Variants in ATP8A2 observed in about 807,000 individuals in gnomAD.
ATP8A2 encodes phospholipid-transporting ATPase IB.
A neutral mutation model predicts 165.6 loss-of-function variants in ATP8A2; 100 were observed. That is an observed-to-expected ratio of 0.60 (90% CI 0.51 to 0.71). ATP8A2 has a LOEUF of 0.71. Ranked by LOEUF, ATP8A2 falls within the 30% of genes least tolerant of loss-of-function variation. The pLI, the probability that ATP8A2 is intolerant of heterozygous loss-of-function variation, is 0.00. For missense variants in ATP8A2, 1,227 were observed against 1,479.5 expected (o/e 0.83, Z 2.80); for synonymous variants, 543 against 548.8 (o/e 0.99, Z 0.15).
At chr13:25,592,711 G>T (rs1053016257) in intron 24 of ATP8A2, among the ~76,000 whole-genome samples, 1 of 152,096 alleles carries the variant, frequency 6.6e-6, no homozygotes, top group African/African-American at 2.4e-5. Flanking sequence ...ATGAGCCTCT[G>T]TTTTCCCCTT....
At chr13:25,562,058 T>G (rs1280982114) in intron 15 of ATP8A2, among the ~76,000 whole-genome samples, 2 of 152,238 alleles carry the variant, frequency 1.3e-5, no homozygotes, top group Non-Finnish European at 2.9e-5. Flanking sequence ...TTTTGGCTAC[T>G]GTGAATAACG....
intron 1 of ATP8A2, among the ~76,000 whole-genome samples, chr13:25,425,558 C>T (rs1416514671): frequency 8.7e-6 from 1 of 115,266 alleles, no homozygotes. Flanking sequence ...AGTATGCAGC[C>T]TTTTCAGATT....
chr13:25,372,346 C>T lies in ATP8A2; in HGVS notation c.76+58C>T, dbSNP rs2032436662. On this transcript the variant is annotated intron_variant, in intron 1 of 36. Transcript: ENST00000381655. The surrounding 1 kb of genome is among the most constrained non-coding windows in gnomAD (Gnocchi z 4.8). ...GGCCCGGGGCGGGGGCGGCGCGGGG[C>T]GCGCCTGCGGTTATGCGACACTGCC... 3 of 1,307,164 alleles carry T rather than the reference C, an allele frequency of 2.3e-6. No homozygotes were observed. Among genetic ancestry groups the T allele is most frequent in the Admixed American group, 3.1e-5 (1 of 31,914 alleles). 81.0% of individuals were successfully genotyped at this position (1,307,164 alleles called of 1,614,324 possible). A position where few individuals can be genotyped will look rare whatever the true frequency, so the allele number is the denominator to read the frequency against.
At chr13:25,665,990 T>C (rs2042145616) in intron 24 of ATP8A2, among the ~76,000 whole-genome samples, 1 of 151,130 alleles carries the variant, frequency 6.6e-6, no homozygotes, top group Non-Finnish European at 1.5e-5. Flanking sequence ...GCTGTTTCTC[T>C]TTTTTAGTTT....
chr13:25,645,855 T>C (rs1226451683), intron 24 of ATP8A2, among the ~76,000 whole-genome samples: 1 of 152,208 alleles, frequency 6.6e-6, no homozygotes, highest in African/African-American at 2.4e-5. Flanking sequence ...TCTTGGTGAA[T>C]GCTTCATATG....
intron 1 of ATP8A2, among the ~76,000 whole-genome samples, chr13:25,382,991 G>A (rs7992756): frequency 0.55 from 81,922 of 149,528 alleles, 24,804 homozygotes; most frequent in East Asian, 0.69. Flanking sequence ...TCCTGACTTC[G>A]TGATCTGCCC....
intron 2 of ATP8A2, among the ~76,000 whole-genome samples, chr13:25,474,962 G>A (rs757923963): frequency 3.3e-5 from 5 of 152,054 alleles, no homozygotes; most frequent in African/African-American, 7.2e-5. Flanking sequence ...TAGGATTACA[G>A]GCATGTGCCA....
At chr13:25,465,540 T>C (rs2035611159) in intron 1 of ATP8A2, among the ~76,000 whole-genome samples, 1 of 144,824 alleles carries the variant, frequency 6.9e-6, no homozygotes, top group Admixed American at 7.2e-5. Flanking sequence ...AAGTTATTGT[T>C]CCTGTTATTT....
chr13:25,802,014 G>A (rs1474320954), intron 27 of ATP8A2, among the ~76,000 whole-genome samples: 7 of 152,076 alleles, frequency 4.6e-5, no homozygotes, highest in Non-Finnish European at 8.8e-5. Flanking sequence ...ACCTCCCACC[G>A]GGTCCCTCCC....
chr13:25,463,927 C>G (rs1291232131), intron 1 of ATP8A2, among the ~76,000 whole-genome samples: 1 of 152,122 alleles, frequency 6.6e-6, no homozygotes, highest in East Asian at 1.9e-4. Context: ...CACCTGTCCT[C>G]TTATTGCTGG....
chr13:25,672,049 A>G (rs753602284), intron 24 of ATP8A2, among the ~76,000 whole-genome samples: 1 of 152,170 alleles, frequency 6.6e-6, no homozygotes, highest in Non-Finnish European at 1.5e-5. Flanking sequence ...AAGAACCTAC[A>G]TGAATATCGG....
chr13:25,958,714 ACACCT>A (rs1955590674), intron 33 of ATP8A2, among the ~76,000 whole-genome samples: 1 of 152,216 alleles, frequency 6.6e-6, no homozygotes, highest in Non-Finnish European at 1.5e-5. Context: ...TCTCTGAGAT[ACACCT>A]TTAAAATTAG....
In ATP8A2 at chr13:25,900,337, A is replaced by G. The variant is rs1467227159; in HGVS notation, c.3183+37929A>G. 2.6e-5 allele frequency among the ~76,000 whole-genome samples: 4 copies of G among 152,300 alleles called. No homozygotes were observed. In the East Asian group the frequency reaches 5.8e-4, roughly 22 times the overall value. On this transcript the variant is annotated intron_variant, in intron 33 of 36. Coordinates refer to ENST00000381655, the MANE Select transcript of ATP8A2 (RefSeq NM_016529.6). ...GAGGTGGAGTTTTCAGCCCTCTGAC[A>G]TGAAAAGGTGCAGTGGAGGACACCA...
At chr13:25,857,510 G>A (rs575866372) in intron 30 of ATP8A2, among the ~76,000 whole-genome samples, 8 of 151,270 alleles carry the variant, frequency 5.3e-5, no homozygotes, top group East Asian at 1.9e-4. Flanking sequence ...CAAGTAGCTG[G>A]GACCACAGGC....
At chr13:25,420,059 C>T (rs779844671) in intron 1 of ATP8A2, among the ~76,000 whole-genome samples, 8 of 152,130 alleles carry the variant, frequency 5.3e-5, no homozygotes, top group Admixed American at 1.3e-4. Flanking sequence ...GAGCTCTAGG[C>T]GCTTTTATTG....
chr13:25,799,105 ACAGT>A (rs761215267), intron 27 of ATP8A2, among the ~76,000 whole-genome samples: 5 of 152,028 alleles, frequency 3.3e-5, no homozygotes, highest in Non-Finnish European at 4.4e-5. Context: ...AAAAAAAAAC[ACAGT>A]CAGTTATTTT....
At chr13:25,895,346 C>T (rs193288159) in intron 33 of ATP8A2, among the ~76,000 whole-genome samples, 581 of 152,204 alleles carry the variant, frequency 3.8e-3, no homozygotes, top group African/African-American at 0.013. Context: ...TATTGATTTT[C>T]GTATGTTGAA....
chr13:25,473,568 A>G (rs2035907349), intron 2 of ATP8A2, among the ~76,000 whole-genome samples: 3 of 152,206 alleles, frequency 2.0e-5, no homozygotes, highest in South Asian at 4.1e-4. Context: ...GAAGTATACA[A>G]TTCAGTGATT....
intron 1 of ATP8A2, among the ~76,000 whole-genome samples, chr13:25,398,382 A>G (rs1317952543): frequency 6.6e-6 from 1 of 152,164 alleles, no homozygotes; most frequent in Non-Finnish European, 1.5e-5. Context: ...ATAATGAGGT[A>G]TGTCTGACCC....
Sources: gnomAD v4.1 joint callset for allele counts (sites outside exome capture counted in the v4.1 genomes callset) on GRCh38, gnomAD v4.1.1 for gene constraint, Gnocchi (gnomAD v3.1) non-coding constraint, MANE v1.5 for transcripts, NCBI Gene and HGNC (gene_info 2026-07-23, HGNC 2026-07-21) for gene names.